Variants in ASTN2 observed in about 807,000 individuals in gnomAD.
The protein encoded by ASTN2 is astrotactin-2.
Under a neutral mutation model 139.8 loss-of-function variants are expected in ASTN2, and 54 were observed. That is an observed-to-expected ratio of 0.39 (90% CI 0.31 to 0.48). The LOEUF is 0.48. ASTN2 is among the 20% of genes least tolerant of loss of function. The probability of loss-of-function intolerance (pLI) is 0.95; values close to 1 mark genes in which losing one functional copy is unlikely to be tolerated. For missense variants in ASTN2, 1,565 were observed against 1,725.1 expected (o/e 0.91, Z 1.64); for synonymous variants, 756 against 719.5 (o/e 1.05, Z -0.81).
At chr9:117,062,760 T>G (rs1839330351) in intron 5 of ASTN2, among the ~76,000 whole-genome samples, 1 of 152,146 alleles carries the variant, frequency 6.6e-6, no homozygotes, top group Admixed American at 6.5e-5. Context: ...ACAGAAGACA[T>G]TTCTTTAAAA....
intron 3 of ASTN2, among the ~76,000 whole-genome samples, chr9:117,156,671 C>T (rs11791823): frequency 0.097 from 14,766 of 151,912 alleles, 967 homozygotes; most frequent in Middle Eastern, 0.17. Context: ...GGGTGCAAGC[C>T]GGCAGTGACA....
chr9:117,240,600 G>T (rs1017851694), intron 2 of ASTN2, among the ~76,000 whole-genome samples: 2 of 152,124 alleles, frequency 1.3e-5, no homozygotes, highest in South Asian at 2.1e-4. Flanking sequence ...GAATAATTAA[G>T]TGCGGGTACT....
intron 10 of ASTN2, among the ~76,000 whole-genome samples, chr9:116,925,576 A>C (rs780140245): frequency 2.6e-5 from 4 of 152,108 alleles, no homozygotes; most frequent in Non-Finnish European, 5.9e-5. Context: ...CAGATACGAT[A>C]AAGGAAGCTT....
At chr9:117,049,322 A>C (rs1175096607) in intron 5 of ASTN2, among the ~76,000 whole-genome samples, 1 of 152,054 alleles carries the variant, frequency 6.6e-6, no homozygotes, top group Non-Finnish European at 1.5e-5. Context: ...GTCCCTCTTA[A>C]AGCACCCAAG....
chr9:116,453,980 C>A (rs1313198696), intron 20 of ASTN2, among the ~76,000 whole-genome samples: 1 of 152,184 alleles, frequency 6.6e-6, no homozygotes, highest in African/African-American at 2.4e-5. Context: ...CTGTTGTGAC[C>A]TTGGGTGAAT....
chr9:117,109,125 T>G (rs1265237479), intron 4 of ASTN2, among the ~76,000 whole-genome samples: 2 of 151,060 alleles, frequency 1.3e-5, no homozygotes, highest in East Asian at 3.9e-4. Flanking sequence ...CTACTAAAAA[T>G]ACAAAAATTA....
intron 11 of ASTN2, among the ~76,000 whole-genome samples, chr9:116,823,358 A>C (rs990544776): frequency 5.9e-5 from 9 of 152,246 alleles, no homozygotes; most frequent in Admixed American, 3.9e-4. Context: ...CCACCCTGTC[A>C]TTTACTGACT....
At chr9:116,783,902 G>C (rs1426036308) in intron 13 of ASTN2, among the ~76,000 whole-genome samples, 1 of 152,146 alleles carries the variant, frequency 6.6e-6, no homozygotes, top group Non-Finnish European at 1.5e-5. Context: ...TGAGAACTTA[G>C]TTGTATAGAT....
chr9:117,072,717 A>G (rs1828168038), intron 5 of ASTN2, among the ~76,000 whole-genome samples: 1 of 152,176 alleles, frequency 6.6e-6, no homozygotes, highest in Non-Finnish European at 1.5e-5. Flanking sequence ...ACAAAGTCCA[A>G]CTTTATTTAT....
intron 19 of ASTN2, among the ~76,000 whole-genome samples, chr9:116,490,263 G>A (rs1375231067): frequency 1.7e-5 from 1 of 57,892 alleles, no homozygotes; most frequent in Non-Finnish European, 3.4e-5. Flanking sequence ...CAATGTATGT[G>A]ATAAAAAGTA....
intron 5 of ASTN2, among the ~76,000 whole-genome samples, chr9:117,082,164 C>T (rs754706650): frequency 6.6e-6 from 1 of 152,178 alleles, no homozygotes; most frequent in South Asian, 2.1e-4. Flanking sequence ...TGGCAAATGT[C>T]CCCATCTGGA....
At chr9:117,226,262 G>A (rs1832708983) in intron 2 of ASTN2, among the ~76,000 whole-genome samples, 1 of 152,154 alleles carries the variant, frequency 6.6e-6, no homozygotes, top group African/African-American at 2.4e-5. Flanking sequence ...TGGAGTTGAT[G>A]GCCTTGGGTT....
At chr9:116,881,169 C>G (rs1458310647) in intron 10 of ASTN2, among the ~76,000 whole-genome samples, 1 of 152,154 alleles carries the variant, frequency 6.6e-6, no homozygotes, top group African/African-American at 2.4e-5. Context: ...AATACCCATA[C>G]CCAATGAGCC....
intron 16 of ASTN2, among the ~76,000 whole-genome samples, chr9:116,696,076 A>G (rs1860835791): frequency 6.6e-6 from 1 of 152,018 alleles, no homozygotes; most frequent in Admixed American, 6.5e-5. Context: ...GTCTTCTCTG[A>G]TGTTTCCCCA....
chr9:117,016,619 T>TATAAC (rs1564385801), intron 6 of ASTN2, among the ~76,000 whole-genome samples: 11 of 3,240 alleles, frequency 3.4e-3, no homozygotes, highest in East Asian at 0.015. Context: ...TCTATATCTA[T>TATAAC]CTATCTATAT....
intron 1 of ASTN2, among the ~76,000 whole-genome samples, chr9:117,323,196 T>A (rs1338453939): frequency 1.3e-5 from 2 of 152,088 alleles, no homozygotes; most frequent in East Asian, 3.9e-4. Context: ...CACACAGAGA[T>A]ACCATGAAAA....
At chr9:117,149,138 G>C (rs967590405) in intron 3 of ASTN2, among the ~76,000 whole-genome samples, 3 of 152,006 alleles carry the variant, frequency 2.0e-5, no homozygotes, top group African/African-American at 7.2e-5. Flanking sequence ...TCGTGCCTCA[G>C]ACTCCCGAGT....
chr9:117,146,812 G>A (rs1830208276), intron 3 of ASTN2, among the ~76,000 whole-genome samples: 1 of 152,016 alleles, frequency 6.6e-6, no homozygotes, highest in African/African-American at 2.4e-5. Context: ...AAGGATAGAA[G>A]GACTAAGTTC....
intron 1 of ASTN2, among the ~76,000 whole-genome samples, chr9:117,313,607 C>T (rs988669544): frequency 4.6e-5 from 7 of 152,112 alleles, no homozygotes; most frequent in Admixed American, 1.3e-4. Flanking sequence ...GCTTTTCAGG[C>T]ACAAGTTGAG....
Sources: allele counts gnomAD v4.1 joint callset (sites outside exome capture counted in the v4.1 genomes callset), GRCh38; gene constraint gnomAD v4.1.1; transcripts MANE v1.5; gene names NCBI Gene and HGNC (gene_info 2026-07-23, HGNC 2026-07-21).